DNAH5: variants seen among roughly 807,000 people sequenced by gnomAD.
DNAH5 encodes the protein axonemal beta dynein heavy chain 5.
Under a neutral mutation model 518.2 loss-of-function variants are expected in DNAH5, and 372 were observed. The ratio of observed to expected loss-of-function variants is 0.72; its 90% confidence interval spans 0.66 to 0.78. The LOEUF is 0.78. DNAH5 is among the 30% of genes least tolerant of loss of function. The pLI is 0.00. For missense variants in DNAH5, 5,523 were observed against 5,687.0 expected (o/e 0.97, Z 0.93); for synonymous variants, 2,039 against 2,025.9 (o/e 1.01, Z -0.17).
In DNAH5 at chr5:13,998,603, T is replaced by C. The variant is rs544137119; in HGVS notation, c.12+13045A>G. Among the ~76,000 whole-genome samples, 49 of 152,346 alleles carry C rather than the reference T, an allele frequency of 3.2e-4. 2 individuals carry two copies. In the South Asian group the frequency reaches 0.01, roughly 32 times the overall value. ...AGTTGGGAAAGTGAATAACTTTTAT[T>C]AAGTACTTTATCTCACCTTGTATTT... On this transcript the variant is annotated intron_variant, in intron 1 of 78. Transcript: ENST00000681290.
In DNAH5 at chr5:13,873,789, C is replaced by T. The variant is rs114661943; in HGVS notation, c.3397-2024G>A. On this transcript the variant is annotated intron_variant, in intron 22 of 78. Coordinates refer to ENST00000265104, the MANE Select transcript of DNAH5 (RefSeq NM_001369.3). ...GTGCTGAGATTACAAACATGAGCCA[C>T]GGCGCCTAGCCAAAAAATTTGTCTC... Among the ~76,000 whole-genome samples the T allele has an allele frequency of 1.6e-3, 247 of 152,182 alleles. 1 individual carries two copies. The East Asian group carries it at 0.022, about 13-fold the overall frequency.
intron 1 of DNAH5, among the ~76,000 whole-genome samples, chr5:13,969,373 T>TTCTTGTTTA (rs1466967874): frequency 6.6e-6 from 1 of 152,152 alleles, no homozygotes; most frequent in Non-Finnish European, 1.5e-5. Context: ...GTTTGGTTTG[T>TTCTTGTTTA]TCTTGTTTAT....
At chr5:13,992,812 T>G (rs1470497546) in intron 1 of DNAH5, among the ~76,000 whole-genome samples, 1 of 152,212 alleles carries the variant, frequency 6.6e-6, no homozygotes, top group Non-Finnish European at 1.5e-5. Context: ...ATTAGTTCAC[T>G]GGGTGTATAT....
chr5:13,771,206 A>C, intron 55 of DNAH5: 1 of 533,420 alleles, frequency 1.9e-6, no homozygotes, highest in Non-Finnish European at 3.4e-6. Flanking sequence ...GCCTATCAAC[A>C]CTCTTTGTTG....
rs746109550 is a variant in DNAH5 at position 13,919,184 on chromosome 5, G to A, written c.967C>T (p.Leu323=). 12 of 1,613,836 alleles carry A rather than the reference G, an allele frequency of 7.4e-6. No individual in the cohort carries two copies. The East Asian group carries it at 2.5e-4, about 33-fold the overall frequency. ...ATGAAATGGCTGACGACCTTCAGCA[G>A]TTTCGACTTGGCCGCCGCAAGCACT... The part of the protein sequence containing the change: ...LAVLAAAKSK[L]LKTWREMDIR... Residue 323 remains leucine, a synonymous_variant, in exon 7 of 79, where the codon CTG becomes TTG. Coordinates refer to ENST00000265104, the MANE Select transcript of DNAH5 (RefSeq NM_001369.3).
Position 13,822,730 on chromosome 5 carries a change from C to T in DNAH5, c.6687+533G>A, listed in dbSNP as rs115661504. Among the ~76,000 whole-genome samples, 1,098 of 152,262 alleles carry T rather than the reference C, an allele frequency of 7.2e-3. 14 individuals carry two copies. Among genetic ancestry groups the T allele is most frequent in the African/African-American group, 0.025 (1,053 of 41,544 alleles). On this transcript the variant is annotated intron_variant, in intron 40 of 78. Coordinates refer to ENST00000265104, the MANE Select transcript of DNAH5 (RefSeq NM_001369.3). ...GGAAGACTATAAAAAGTTAAAGCTG[C>T]ACCAAGTACCATGGGAAGTCCAGAG...
chr5:13,848,622 T>C (rs1455142741), intron 31 of DNAH5, among the ~76,000 whole-genome samples: 1 of 152,138 alleles, frequency 6.6e-6, no homozygotes, highest in Non-Finnish European at 1.5e-5. Flanking sequence ...CTGGAGATGA[T>C]GGGAAACAGT....
intron 1 of DNAH5, among the ~76,000 whole-genome samples, chr5:13,931,527 C>T (rs1189161299): frequency 6.6e-6 from 1 of 152,172 alleles, no homozygotes; most frequent in Admixed American, 6.5e-5. Context: ...TGTTCTAAAT[C>T]TTTACACACT....
At chr5:13,969,757 G>T (rs1426597296) in intron 1 of DNAH5, among the ~76,000 whole-genome samples, 1 of 152,152 alleles carries the variant, frequency 6.6e-6, no homozygotes, top group East Asian at 1.9e-4. Context: ...TGTTCAATGT[G>T]CTGATGAATA....
At chr5:13,919,508 C>G (rs1021399099) in intron 6 of DNAH5, 156 bp from the exon 7 acceptor site, 2 of 801,070 alleles carry the variant, frequency 2.5e-6, no homozygotes, top group African/African-American at 3.4e-5. Flanking sequence ...ACTCACTTAG[C>G]ATGCATCCAT....
At chr5:13,988,656 G>A (rs1783241020) in intron 1 of DNAH5, among the ~76,000 whole-genome samples, 1 of 150,172 alleles carries the variant, frequency 6.7e-6, no homozygotes, top group African/African-American at 2.5e-5. Flanking sequence ...GACCTCAAGT[G>A]ATCCACCTGC....
intron 1 of DNAH5, among the ~76,000 whole-genome samples, chr5:13,955,873 T>C (rs1780731444): frequency 6.6e-6 from 1 of 152,166 alleles, no homozygotes; most frequent in Non-Finnish European, 1.5e-5. Context: ...TAAAATCAGT[T>C]CAAAACTCTT....
rs1779741111 is a variant in DNAH5 at position 13,944,366 on chromosome 5, G to C, written c.57+16C>G. On this transcript the variant is annotated intron_variant, in intron 1 of 78. Transcript: ENST00000265104. ...TCCAAAACACACATGCAAAGGTACA[G>C]ACAACAGCACCTTACCGTTAAAACT... 1.2e-6 allele frequency: 2 copies of C among 1,613,144 alleles called. No homozygotes were observed. Among genetic ancestry groups the C allele is most frequent in the Non-Finnish European group, 1.7e-6 (2 of 1,179,386 alleles).
At position 13,919,291 on chromosome 5, in the gene DNAH5, A is replaced by G; in HGVS notation, c.860T>C (p.Leu287Pro). The G allele has an allele frequency of 6.2e-7, 1 of 1,614,168 alleles. No individual in the cohort carries two copies. Among genetic ancestry groups the G allele is most frequent in the East Asian group, 2.2e-5 (1 of 44,890 alleles). ...EADDVGPRAE[L>P]EHWKKRLSKF... ...GGAGAGTCTTTTTTTCCAGTGCTCC[A>G]GCTCCGCTCGTGGCCCAACGTCATC... Residue 287 changes from leucine (L) to proline (P), a missense_variant, in exon 7 of 79, where the codon CTG becomes CCG. Physicochemically the swap from Leu to Pro is moderately conservative, Grantham distance 98. Transcript: ENST00000265104.
chr5:13,836,819 T>C (rs1764455312), intron 35 of DNAH5, among the ~76,000 whole-genome samples: 1 of 152,154 alleles, frequency 6.6e-6, no homozygotes, highest in Non-Finnish European at 1.5e-5. Flanking sequence ...CCTAATCTCA[T>C]GAGTCCTTAA....
rs536132421 is a variant in DNAH5 at position 13,885,372 on chromosome 5, C to T, written c.2744-144G>A. On this transcript the variant is annotated intron_variant, in intron 18 of 78. Coordinates refer to ENST00000265104, the MANE Select transcript of DNAH5 (RefSeq NM_001369.3). The stretch of plus-strand genomic sequence containing the variant: ...CAAGTTTAGTATCACTTAAACATCA[C>T]ACTTCTTAGGAAGTGAGGACATCAA... The T allele has an allele frequency of 7.6e-6, 8 of 1,052,574 alleles. No individual in the cohort carries two copies. The East Asian group carries it at 1.5e-4, about 20-fold the overall frequency. The allele number at this position is 1,052,574 out of a possible 1,614,324, so 65.2% of individuals were successfully genotyped here. A position where few individuals can be genotyped will look rare whatever the true frequency, so the allele number is the denominator to read the frequency against.
chr5:13,996,082 C>T (rs1170865128), intron 1 of DNAH5, among the ~76,000 whole-genome samples: 1 of 152,186 alleles, frequency 6.6e-6, no homozygotes, highest in African/African-American at 2.4e-5. Flanking sequence ...TTTTGGTTGA[C>T]GAGATTCCAA....
chr5:13,876,933 T>C, intron 21 of DNAH5, 116 bp from the exon 22 acceptor site: 2 of 1,051,294 alleles, frequency 1.9e-6, no homozygotes, highest in South Asian at 1.5e-5. Flanking sequence ...TTCTCCTTTA[T>C]AAAAACAATG....
At chr5:13,735,506 C>A (rs1747262117) in intron 67 of DNAH5, among the ~76,000 whole-genome samples, 185 bp from the exon 68 acceptor site, 1 of 152,136 alleles carries the variant, frequency 6.6e-6, no homozygotes, top group Non-Finnish European at 1.5e-5. Context: ...ATAACAGAAT[C>A]CCGAATGTTG....
Sources: allele counts gnomAD v4.1 joint callset (sites outside exome capture counted in the v4.1 genomes callset), GRCh38; gene constraint gnomAD v4.1.1; transcripts MANE v1.5; gene names NCBI Gene and HGNC (gene_info 2026-07-23, HGNC 2026-07-21).